The following NDFIP1 variants were observed in gnomAD, a reference collection of about 807,000 sequenced individuals.
NDFIP1 encodes the protein NEDD4 family-interacting protein 1.
A neutral mutation model predicts 28.8 loss-of-function variants in NDFIP1; 7 were observed. The observed-to-expected ratio is 0.24, with a 90% CI of 0.14 to 0.46. The LOEUF (loss-of-function observed/expected upper bound fraction) is 0.46. NDFIP1 is among the 20% of genes least tolerant of loss of function. The pLI, the probability that NDFIP1 is intolerant of heterozygous loss-of-function variation, is 0.99. For synonymous variants in NDFIP1, 92 were observed against 101.0 expected (o/e 0.91, Z 0.53); for missense variants, 194 against 269.1 (o/e 0.72, Z 1.95).
intron 7 of NDFIP1, among the ~76,000 whole-genome samples, chr5:142,149,168 A>G (rs1008270878): frequency 1.6e-4 from 25 of 152,156 alleles, no homozygotes; most frequent in Non-Finnish European, 1.5e-5. Flanking sequence ...TAGGCATCAA[A>G]TATTTTAATT....
intron 1 of NDFIP1, among the ~76,000 whole-genome samples, chr5:142,122,771 T>C (rs1467773273): frequency 6.6e-6 from 1 of 152,224 alleles, no homozygotes; most frequent in Non-Finnish European, 1.5e-5. Flanking sequence ...GATATCTTTT[T>C]TTGTGAAATG....
chr5:142,114,404 A>G (rs551873890), intron 1 of NDFIP1, among the ~76,000 whole-genome samples: 1 of 152,232 alleles, frequency 6.6e-6, no homozygotes, highest in African/African-American at 2.4e-5. Context: ...TCATTTTTGA[A>G]TTGAGTTTTT....
chr5:142,110,502 T>C (rs1446670836), intron 1 of NDFIP1, among the ~76,000 whole-genome samples: 1 of 152,188 alleles, frequency 6.6e-6, no homozygotes, highest in African/African-American at 2.4e-5. Flanking sequence ...AGCTATTAGG[T>C]AATGCTGACA....
intron 1 of NDFIP1, among the ~76,000 whole-genome samples, chr5:142,109,848 G>A (rs1361350718): frequency 2.6e-5 from 4 of 152,204 alleles, no homozygotes; most frequent in Admixed American, 6.5e-5. Flanking sequence ...AGGAAATTTA[G>A]AGACCTTCTG....
intron 1 of NDFIP1, among the ~76,000 whole-genome samples, chr5:142,127,533 C>A (rs1037110815): frequency 6.6e-6 from 1 of 152,068 alleles, no homozygotes; most frequent in African/African-American, 2.4e-5. Flanking sequence ...CATCTGAATT[C>A]TCAGGTGATT....
At chr5:142,138,982 C>T (rs1757300826) in intron 5 of NDFIP1, among the ~76,000 whole-genome samples, 1 of 150,952 alleles carries the variant, frequency 6.6e-6, no homozygotes, top group Non-Finnish European at 1.5e-5. Context: ...CTTTGGGAGG[C>T]CGAGGCGGAC....
chr5:142,128,011 GA>G (rs1303880182), intron 1 of NDFIP1, among the ~76,000 whole-genome samples: 2 of 151,916 alleles, frequency 1.3e-5, no homozygotes, highest in South Asian at 2.1e-4. Flanking sequence ...TATATGACAG[GA>G]AAAAAAATCC....
At chr5:142,140,405 G>A (rs927195153) in intron 5 of NDFIP1, among the ~76,000 whole-genome samples, 158 bp from the exon 6 acceptor site, 10 of 147,896 alleles carry the variant, frequency 6.8e-5, no homozygotes, top group African/African-American at 2.0e-4. Flanking sequence ...CCGAGATCAC[G>A]CCATTGCACT....
intron 1 of NDFIP1, among the ~76,000 whole-genome samples, chr5:142,124,884 G>C (rs1308413405): frequency 6.6e-6 from 1 of 151,938 alleles, no homozygotes; most frequent in African/African-American, 2.4e-5. Context: ...GGAGTGCAGT[G>C]GCGCAATCTC....
intron 7 of NDFIP1, among the ~76,000 whole-genome samples, chr5:142,147,258 A>T (rs1757398535): frequency 6.6e-6 from 1 of 152,196 alleles, no homozygotes; most frequent in Admixed American, 6.5e-5. Flanking sequence ...GAACCTGAAA[A>T]GCCATAATAT....
At chr5:142,111,393 G>A (rs746648178) in intron 1 of NDFIP1, among the ~76,000 whole-genome samples, 1 of 151,928 alleles carries the variant, frequency 6.6e-6, no homozygotes, top group African/African-American at 2.4e-5. Flanking sequence ...CTTATCTTTG[G>A]TCACTAAGAA....
chr5:142,132,108 T>C (rs566380783), intron 2 of NDFIP1, 104 bp from the exon 3 acceptor site: 1 of 1,348,560 alleles, frequency 7.4e-7, no homozygotes, highest in East Asian at 2.3e-5. Context: ...GTTATGTATG[T>C]ACTCTTAAGG....
chr5:142,112,548 AAAAG>A (rs1282081216), intron 1 of NDFIP1, among the ~76,000 whole-genome samples: 1 of 150,278 alleles, frequency 6.7e-6, no homozygotes, highest in African/African-American at 2.5e-5. Context: ...AAAAAAAAAA[AAAAG>A]GCACCGAGGT....
At chr5:142,109,697 G>GT (rs1756991927) in intron 1 of NDFIP1, among the ~76,000 whole-genome samples, 1 of 152,170 alleles carries the variant, frequency 6.6e-6, no homozygotes, top group Admixed American at 6.5e-5. Context: ...TGGAAGTGAC[G>GT]TTTTAAGAGA....
intron 6 of NDFIP1, chr5:142,143,233 G>C (rs1044473833): frequency 1.3e-5 from 2 of 151,938 alleles, no homozygotes; most frequent in Non-Finnish European, 2.9e-5. Flanking sequence ...TACTTTTCTT[G>C]AAAGTTGGAA....
intron 7 of NDFIP1, among the ~76,000 whole-genome samples, chr5:142,145,659 TG>T (rs1757381467): frequency 6.6e-6 from 1 of 152,040 alleles, no homozygotes; most frequent in South Asian, 2.1e-4. Flanking sequence ...TAGGGAAGTA[TG>T]GGGCTTGTTC....
At chr5:142,134,620 T>C (rs1216924345) in intron 3 of NDFIP1, among the ~76,000 whole-genome samples, 2 of 152,196 alleles carry the variant, frequency 1.3e-5, no homozygotes, top group Non-Finnish European at 2.9e-5. Flanking sequence ...TGATATTCCC[T>C]AAAATATTTT....
intron 1 of NDFIP1, among the ~76,000 whole-genome samples, chr5:142,117,972 G>C (rs751768099): frequency 1.3e-5 from 2 of 151,944 alleles, no homozygotes; most frequent in African/African-American, 4.8e-5. Context: ...TGGCTCAAGC[G>C]ATCATTCCCC....
At chr5:142,127,359 G>C (rs1757180750) in intron 1 of NDFIP1, among the ~76,000 whole-genome samples, 1 of 152,084 alleles carries the variant, frequency 6.6e-6, no homozygotes, top group Admixed American at 6.6e-5. Context: ...AAAATTGAAG[G>C]TCATCAAGGC....
Sources: allele counts gnomAD v4.1 joint callset (sites outside exome capture counted in the v4.1 genomes callset), GRCh38; gene constraint gnomAD v4.1.1; transcripts MANE v1.5; gene names NCBI Gene and HGNC (gene_info 2026-07-23, HGNC 2026-07-21).